ADCY2: variants seen among roughly 807,000 people sequenced by gnomAD.
The protein encoded by ADCY2 is adenylate cyclase type 2.
Under a neutral mutation model 125.2 loss-of-function variants are expected in ADCY2, and 31 were observed. The observed-to-expected ratio is 0.25, with a 90% CI of 0.19 to 0.33. ADCY2 has a LOEUF of 0.33. ADCY2 is among the 10% of genes least tolerant of loss of function. The pLI, the probability that ADCY2 is intolerant of heterozygous loss-of-function variation, is 1.00. For synonymous variants in ADCY2, 512 were observed against 548.4 expected (o/e 0.93, Z 0.93); for missense variants, 904 against 1,418.2 (o/e 0.64, Z 5.82).
chr5:7,427,212 T>G (rs1300171863), intron 2 of ADCY2, among the ~76,000 whole-genome samples: 1 of 152,200 alleles, frequency 6.6e-6, no homozygotes, highest in Non-Finnish European at 1.5e-5. Flanking sequence ...TCTATGTCTC[T>G]GTCCTCACAT....
chr5:7,498,239 GTTTTTTT>G (rs910360437), intron 2 of ADCY2, among the ~76,000 whole-genome samples: 74 of 62,112 alleles, frequency 1.2e-3, no homozygotes, highest in African/African-American at 2.8e-3. Context: ...TTCTTTTTTC[GTTTTTTT>G]TTTTTTTTTT....
intron 4 of ADCY2, among the ~76,000 whole-genome samples, chr5:7,627,087 C>A (rs886642414): frequency 4.6e-5 from 7 of 152,132 alleles, no homozygotes; most frequent in Non-Finnish European, 8.8e-5. Flanking sequence ...GAGCCTCCCC[C>A]TCATCGCCCC....
At chr5:7,518,010 A>G (rs1056403991) in intron 2 of ADCY2, among the ~76,000 whole-genome samples, 5 of 152,216 alleles carry the variant, frequency 3.3e-5, no homozygotes, top group African/African-American at 1.2e-4. Flanking sequence ...TATGTGTAGA[A>G]AAAACAGTAT....
intron 22 of ADCY2, among the ~76,000 whole-genome samples, chr5:7,806,563 A>T (rs1484230588): frequency 6.6e-6 from 1 of 152,208 alleles, no homozygotes; most frequent in African/African-American, 2.4e-5. Flanking sequence ...TGTCTTGCAC[A>T]CAGCAGCCTT....
At chr5:7,420,805 C>T (rs1307669827) in intron 2 of ADCY2, among the ~76,000 whole-genome samples, 1 of 152,142 alleles carries the variant, frequency 6.6e-6, no homozygotes, top group African/African-American at 2.4e-5. Context: ...TTGTGAAATG[C>T]CTTTCATTTG....
chr5:7,696,579 T>C (rs1329463730), intron 6 of ADCY2, among the ~76,000 whole-genome samples: 1 of 152,218 alleles, frequency 6.6e-6, no homozygotes, highest in Non-Finnish European at 1.5e-5. Context: ...TGGTCAATTC[T>C]CTCTTTGAAT....
intron 3 of ADCY2, among the ~76,000 whole-genome samples, chr5:7,575,741 TG>T (rs1736225860): frequency 6.6e-6 from 1 of 152,170 alleles, no homozygotes; most frequent in Non-Finnish European, 1.5e-5. Context: ...TAATTTAAAC[TG>T]TATTTTTATA....
At chr5:7,435,333 G>A (rs1385326109) in intron 2 of ADCY2, among the ~76,000 whole-genome samples, 2 of 152,200 alleles carry the variant, frequency 1.3e-5, no homozygotes, top group Non-Finnish European at 2.9e-5. Flanking sequence ...CCTGGGCTTA[G>A]TTTTGGCTAC....
intron 1 of ADCY2, among the ~76,000 whole-genome samples, chr5:7,410,865 A>C (rs1365471278): frequency 6.6e-6 from 1 of 152,066 alleles, no homozygotes; most frequent in Non-Finnish European, 1.5e-5. Context: ...GTTTGAAAAC[A>C]ACTCAATCAG....
chr5:7,742,827 C>A (rs1336424610), intron 14 of ADCY2, among the ~76,000 whole-genome samples: 3 of 152,274 alleles, frequency 2.0e-5, no homozygotes, highest in African/African-American at 7.2e-5. Flanking sequence ...TGTCTCTAGC[C>A]AACCTCATTG....
chr5:7,739,549 A>G (rs1241499126), intron 14 of ADCY2, among the ~76,000 whole-genome samples: 1 of 151,832 alleles, frequency 6.6e-6, no homozygotes, highest in African/African-American at 2.4e-5. Context: ...GCAATTAGAA[A>G]GGCATAAATA....
rs78089891 is a variant in ADCY2, at chr5:7,594,348, G to C, written c.571-31819G>C. On this transcript the variant is annotated intron_variant, in intron 3 of 24. Coordinates refer to ENST00000338316, the MANE Select transcript of ADCY2 (RefSeq NM_020546.3). Reference sequence around the variant, plus strand: ...CTAATCTGATGTGGAGAATGAGAGAGAGCCAGAGGCAGCTCATAGGACCCC... The same window carrying C: ...CTAATCTGATGTGGAGAATGAGAGACAGCCAGAGGCAGCTCATAGGACCCC... 1.5e-3 allele frequency among the ~76,000 whole-genome samples: 227 copies of C among 152,302 alleles called. 1 individual carries two copies. Among genetic ancestry groups the C allele is most frequent in the African/African-American group, 4.5e-3 (189 of 41,574 alleles).
At chr5:7,468,291 G>A (rs1206912361) in intron 2 of ADCY2, among the ~76,000 whole-genome samples, 1 of 152,082 alleles carries the variant, frequency 6.6e-6, no homozygotes, top group African/African-American at 2.4e-5. Flanking sequence ...CAGAAAATGA[G>A]GTGTAAATAT....
At chr5:7,713,836 A>G (rs1303712685) in intron 11 of ADCY2, among the ~76,000 whole-genome samples, 1 of 152,172 alleles carries the variant, frequency 6.6e-6, no homozygotes, top group African/African-American at 2.4e-5. Flanking sequence ...AGAGAGGTCA[A>G]TTTATTGGAG....
At chr5:7,630,388 G>C (rs1026811080) in intron 4 of ADCY2, among the ~76,000 whole-genome samples, 1 of 151,954 alleles carries the variant, frequency 6.6e-6, no homozygotes, top group African/African-American at 2.4e-5. Context: ...TCTAGATTTG[G>C]GCTGCTAAAA....
chr5:7,553,066 C>G (rs528999019), intron 3 of ADCY2, among the ~76,000 whole-genome samples: 45 of 152,308 alleles, frequency 3.0e-4, no homozygotes, highest in South Asian at 2.5e-3. Flanking sequence ...TGATAAGACT[C>G]AGACTCACAC....
At chr5:7,622,896 C>T (rs1162533215) in intron 3 of ADCY2, among the ~76,000 whole-genome samples, 1 of 152,192 alleles carries the variant, frequency 6.6e-6, no homozygotes, top group Admixed American at 6.5e-5. Context: ...ATACAGGCTG[C>T]CCCAGCGTGG....
At chr5:7,489,081 G>C (rs866431203) in intron 2 of ADCY2, among the ~76,000 whole-genome samples, 2 of 152,110 alleles carry the variant, frequency 1.3e-5, no homozygotes, top group Non-Finnish European at 2.9e-5. Context: ...TTCCTGCCCT[G>C]CCCAGAGCAC....
At chr5:7,822,874 A>C (rs1439250864) in intron 24 of ADCY2, among the ~76,000 whole-genome samples, 1 of 152,238 alleles carries the variant, frequency 6.6e-6, no homozygotes, top group African/African-American at 2.4e-5. Context: ...CCGGACTTGC[A>C]CTATAGATTT....
Sources: allele counts gnomAD v4.1 joint callset (sites outside exome capture counted in the v4.1 genomes callset), GRCh38; gene constraint gnomAD v4.1.1; transcripts MANE v1.5; gene names NCBI Gene and HGNC (gene_info 2026-07-23, HGNC 2026-07-21).